PDZD2: variants seen among roughly 807,000 people sequenced by gnomAD.
PDZD2 encodes PDZ domain-containing protein 2.
Under a neutral mutation model 220.7 loss-of-function variants are expected in PDZD2, and 90 were observed. The ratio of observed to expected loss-of-function variants is 0.41; its 90% confidence interval spans 0.34 to 0.49. The LOEUF is 0.49. Ranked by LOEUF, PDZD2 falls within the 20% of genes least tolerant of loss-of-function variation. PDZD2 has a pLI of 0.28. For missense variants in PDZD2, 3,174 were observed against 3,608.5 expected, an observed-to-expected ratio of 0.88 and a Z score of 3.08; for synonymous variants, 1,375 against 1,450.5, an observed-to-expected ratio of 0.95 and a Z score of 1.18.
At chr5:31,784,150 C>T (rs535592744) in intron 1 of PDZD2, among the ~76,000 whole-genome samples, 1 of 152,214 alleles carries the variant, frequency 6.6e-6, no homozygotes, top group South Asian at 2.1e-4. Flanking sequence ...CTGTCCCTCC[C>T]GTCCTCACCT....
At position 32,074,330 on chromosome 5, in the gene PDZD2, A is replaced by G; in HGVS notation, c.3224A>G (p.Lys1075Arg). 1 of 1,614,210 alleles carries G rather than the reference A, an allele frequency of 6.2e-7. No homozygotes were observed. Reference protein sequence around the residue: ...APKGSPGSWWKKELSGSSSAP... With the variant: ...APKGSPGSWWRKELSGSSSAP... Reference sequence around the variant, plus strand: ...AAGGGGAGCCCTGGAAGCTGGTGGAAGAAGGAACTGTCAGGATCAAGTAGC... The same window carrying G: ...AAGGGGAGCCCTGGAAGCTGGTGGAGGAAGGAACTGTCAGGATCAAGTAGC... The change falls in exon 18 of 25, where the codon AAG becomes AGG. Residue 1075 changes from lysine to arginine, a missense_variant. By Grantham distance (26) the Lys-to-Arg change is conservative. Coordinates refer to ENST00000438447, the MANE Select transcript of PDZD2 (RefSeq NM_178140.4).
chr5:31,910,689 C>A (rs1477132399), intron 2 of PDZD2, among the ~76,000 whole-genome samples: 18 of 150,730 alleles, frequency 1.2e-4, no homozygotes, highest in Admixed American at 1.1e-3. Flanking sequence ...CCACACCCAG[C>A]CTTTTTTTTT....
In PDZD2 at chr5:32,057,952, A is replaced by T. The variant is rs1042167907; in HGVS notation, c.2049A>T (p.Thr683=). The change falls in exon 12 of 25, where the codon ACA becomes ACT. Residue 683 remains threonine, a synonymous_variant. Transcript: ENST00000438447. The stretch of plus-strand genomic sequence containing the variant: ...GCCCCAGCCTCACACCCTGCTCGAC[A>T]CCCACACACATGAGCAGATCCGCCT... ...LVSPSLTPCS[T]PTHMSRSASP... The T allele has an allele frequency of 1.2e-6, 2 of 1,613,800 alleles. No individual in the cohort carries two copies. Among genetic ancestry groups the T allele is most frequent in the East Asian group, 2.2e-5 (1 of 44,862 alleles).
intron 1 of PDZD2, among the ~76,000 whole-genome samples, chr5:31,708,881 GTTTTTT>G (rs33947537): frequency 1.6e-4 from 10 of 61,762 alleles, no homozygotes; most frequent in East Asian, 4.6e-4. Context: ...AATGTGTTTT[GTTTTTT>G]TTTTTTTTTT....
At chr5:32,046,961 T>G (rs961320851) in intron 7 of PDZD2, among the ~76,000 whole-genome samples, 12 of 152,078 alleles carry the variant, frequency 7.9e-5, no homozygotes, top group African/African-American at 2.7e-4. Flanking sequence ...GAGAATCACT[T>G]GAACCTGGGA....
intron 2 of PDZD2, among the ~76,000 whole-genome samples, chr5:31,831,016 G>T (rs1756551336): frequency 6.6e-6 from 1 of 152,260 alleles, no homozygotes; most frequent in Non-Finnish European, 1.5e-5. Flanking sequence ...ACGAAGTGTG[G>T]AGACCCAGTT....
At chr5:31,663,021 C>T (rs911856248) in intron 1 of PDZD2, among the ~76,000 whole-genome samples, 8 of 152,156 alleles carry the variant, frequency 5.3e-5, no homozygotes, top group Non-Finnish European at 8.8e-5. Flanking sequence ...ATTCAGGCCA[C>T]GGCACCACCT....
At chr5:31,752,432 G>A (rs1008935844) in intron 1 of PDZD2, among the ~76,000 whole-genome samples, 2 of 151,970 alleles carry the variant, frequency 1.3e-5, no homozygotes, top group Non-Finnish European at 2.9e-5. Flanking sequence ...ACCTGTAGTC[G>A]CAGCTACTCG....
At chr5:31,675,472 C>T (rs1326378549) in intron 1 of PDZD2, among the ~76,000 whole-genome samples, 3 of 152,070 alleles carry the variant, frequency 2.0e-5, no homozygotes, top group African/African-American at 7.3e-5. Context: ...CCAATCCTAT[C>T]AAAGGGATAA....
intron 1 of PDZD2, among the ~76,000 whole-genome samples, chr5:31,674,166 A>G (rs1388192818): frequency 6.6e-6 from 1 of 152,206 alleles, no homozygotes; most frequent in Non-Finnish European, 1.5e-5. Flanking sequence ...TTGTGATAGC[A>G]GCCCAAGTGG....
intron 1 of PDZD2, among the ~76,000 whole-genome samples, chr5:31,642,643 TAAAC>T (rs1744991895): frequency 1.3e-5 from 2 of 152,116 alleles, no homozygotes; most frequent in African/African-American, 4.8e-5. Flanking sequence ...GCATGTTTGG[TAAAC>T]AAAAGAGATG....
chr5:31,811,209 C>G (rs1035792301), intron 2 of PDZD2, among the ~76,000 whole-genome samples: 4 of 152,140 alleles, frequency 2.6e-5, no homozygotes, highest in Non-Finnish European at 5.9e-5. Flanking sequence ...TGGTCTCGAA[C>G]TCTTGACCTC....
intron 1 of PDZD2, among the ~76,000 whole-genome samples, chr5:31,711,604 T>C (rs949772821): frequency 2.0e-5 from 3 of 152,152 alleles, no homozygotes; most frequent in Admixed American, 1.3e-4. Context: ...GGGTGGGTGT[T>C]TGCTGCAGTC....
At chr5:31,958,635 C>G (rs1295043377) in intron 2 of PDZD2, among the ~76,000 whole-genome samples, 1 of 151,532 alleles carries the variant, frequency 6.6e-6, no homozygotes, top group Non-Finnish European at 1.5e-5. Context: ...TCCACCCCGC[C>G]CCCGTCATAG....
At chr5:31,826,691 A>T (rs139488899) in intron 2 of PDZD2, among the ~76,000 whole-genome samples, 2 of 151,692 alleles carry the variant, frequency 1.3e-5, no homozygotes, top group Non-Finnish European at 2.9e-5. Flanking sequence ...AAAAAAAAAG[A>T]TATATGAAAC....
At chr5:31,648,297 C>T (rs576632781) in intron 1 of PDZD2, among the ~76,000 whole-genome samples, 4 of 152,148 alleles carry the variant, frequency 2.6e-5, no homozygotes, top group Admixed American at 6.5e-5. Context: ...CCAGTGGGGG[C>T]GTTATAGGGA....
intron 2 of PDZD2, among the ~76,000 whole-genome samples, chr5:31,855,970 G>C (rs1247943129): frequency 6.6e-6 from 1 of 152,128 alleles, no homozygotes; most frequent in African/African-American, 2.4e-5. Flanking sequence ...CCATGTCTGG[G>C]AGAAAAAGAC....
intron 7 of PDZD2, among the ~76,000 whole-genome samples, chr5:32,038,088 C>T (rs1755700259): frequency 6.8e-6 from 1 of 147,672 alleles, no homozygotes. Context: ...GTGATCCGCC[C>T]GCCTCAGCTT....
rs145153456 is a variant in PDZD2, at chr5:31,816,534, G to A, written c.476+16810G>A. ...ATTTTCAAGATGGATATTAGGAAATGTTTCCATAGTGATATGACTTTTCTT... is the reference window on the plus strand; with the variant it reads ...ATTTTCAAGATGGATATTAGGAAATATTTCCATAGTGATATGACTTTTCTT... On this transcript the variant is annotated intron_variant, in intron 2 of 24. Transcript: ENST00000438447. 9.6e-3 allele frequency among the ~76,000 whole-genome samples: 1,462 copies of A among 152,182 alleles called. 16 individuals are homozygous for A. The highest frequency in any genetic ancestry group is 0.013 in the Non-Finnish European group (868 of 68,010).
Sources: gnomAD v4.1 joint callset for allele counts (sites outside exome capture counted in the v4.1 genomes callset) on GRCh38, gnomAD v4.1.1 for gene constraint, MANE v1.5 for transcripts, NCBI Gene and HGNC (gene_info 2026-07-23, HGNC 2026-07-21) for gene names.